The following CC2D2B variants were observed in gnomAD, a reference collection of about 807,000 sequenced individuals.
CC2D2B encodes the protein coiled-coil and C2 domain containing 2B, also known as protein CC2D2B.
A neutral mutation model predicts 161.2 loss-of-function variants in CC2D2B; 128 were observed. The observed-to-expected ratio is 0.79, with a 90% CI of 0.69 to 0.92. The LOEUF (loss-of-function observed/expected upper bound fraction) is 0.92. CC2D2B is among the 40% of genes least tolerant of loss of function. CC2D2B has a pLI of 0.00. For missense variants in CC2D2B, 1,173 were observed against 1,375.1 expected, an observed-to-expected ratio of 0.85 and a Z score of 2.32; for synonymous variants, 391 against 449.8, an observed-to-expected ratio of 0.87 and a Z score of 1.65.
chr10:95,951,984 A>G (rs1044423457), intron 10 of CC2D2B, among the ~76,000 whole-genome samples: 14 of 152,188 alleles, frequency 9.2e-5, no homozygotes, highest in Non-Finnish European at 2.1e-4. Context: ...GGAAGTGTGC[A>G]TAATCTTCTC....
intron 29 of CC2D2B, among the ~76,000 whole-genome samples, chr10:96,014,594 G>A (rs1428295994): frequency 1.3e-5 from 2 of 152,134 alleles, no homozygotes; most frequent in Non-Finnish European, 2.9e-5. Context: ...CAAAATCCTA[G>A]TTCAAAGACT....
chr10:95,934,244 C>T (rs1040445790), intron 6 of CC2D2B, among the ~76,000 whole-genome samples: 78 of 152,234 alleles, frequency 5.1e-4, no homozygotes, highest in Non-Finnish European at 1.1e-3. Context: ...CAAGCTTGAG[C>T]GTCCCAGGTC....
rs2075894649 is a variant in CC2D2B, at chr10:95,938,205, A to G, written c.535+16A>G. ...AGTTCTCCAGGTAACATTCTTTCCC[A>G]GTAAAATATTCAAGTCATTAACGAA... On this transcript the variant is annotated intron_variant, in intron 7 of 34. Transcript: ENST00000646931. The G allele has an allele frequency of 2.7e-6, 4 of 1,504,524 alleles. No individual in the cohort carries two copies. The highest frequency in any genetic ancestry group is 3.6e-6 in the Non-Finnish European group (4 of 1,106,352). 93.2% of individuals were successfully genotyped at this position (1,504,524 alleles called of 1,614,324 possible). A position where few individuals can be genotyped will look rare whatever the true frequency, so the allele number is the denominator to read the frequency against.
chr10:96,003,142 T>C (rs1590837555), intron 24 of CC2D2B, among the ~76,000 whole-genome samples: 1 of 151,904 alleles, frequency 6.6e-6, no homozygotes, highest in Admixed American at 6.6e-5. Flanking sequence ...GTAAGTTATT[T>C]AACTTCTGTG....
intron 33 of CC2D2B, among the ~76,000 whole-genome samples, chr10:96,025,318 C>T (rs1389350580): frequency 2.5e-5 from 3 of 120,680 alleles, no homozygotes; most frequent in Non-Finnish European, 3.2e-5. Context: ...TATGATCACA[C>T]AACACACCAC....
At chr10:95,913,812 T>G (rs1350495738) in intron 2 of CC2D2B, among the ~76,000 whole-genome samples, 1 of 152,150 alleles carries the variant, frequency 6.6e-6, no homozygotes, top group Non-Finnish European at 1.5e-5. Flanking sequence ...TAAATCAGAT[T>G]ATTAGACATT....
At chr10:96,014,069 A>T (rs1051007026) in intron 29 of CC2D2B, among the ~76,000 whole-genome samples, 192 bp downstream of exon 29, 1 of 152,234 alleles carries the variant, frequency 6.6e-6, no homozygotes, top group African/African-American at 2.4e-5. Flanking sequence ...TCTTTTCAAC[A>T]TTCTAAGTGG....
chr10:95,966,638 T>G (rs2076950064), intron 14 of CC2D2B, among the ~76,000 whole-genome samples: 1 of 152,068 alleles, frequency 6.6e-6, no homozygotes, highest in Non-Finnish European at 1.5e-5. Flanking sequence ...GTTTTTTTGT[T>G]TTGTTTTGCT....
intron 11 of CC2D2B, among the ~76,000 whole-genome samples, chr10:95,957,506 A>C (rs2076606401): frequency 6.7e-6 from 1 of 148,644 alleles, no homozygotes. Flanking sequence ...AGAGGACCTT[A>C]TGTTTATACC....
intron 25 of CC2D2B, among the ~76,000 whole-genome samples, chr10:96,004,790 C>T (rs2078674032): frequency 6.6e-6 from 1 of 152,158 alleles, no homozygotes; most frequent in Non-Finnish European, 1.5e-5. Flanking sequence ...TATAAAGATG[C>T]ATACCCATAG....
intron 17 of CC2D2B, among the ~76,000 whole-genome samples, chr10:95,979,211 C>A (rs1278797417): frequency 6.6e-6 from 1 of 151,180 alleles, no homozygotes; most frequent in African/African-American, 2.4e-5. Flanking sequence ...CTGTATCTAC[C>A]CCTCCTTACC....
At chr10:95,910,423 A>T (rs1474682420) in intron 1 of CC2D2B, among the ~76,000 whole-genome samples, 1 of 152,144 alleles carries the variant, frequency 6.6e-6, no homozygotes, top group Non-Finnish European at 1.5e-5. Context: ...AGGGAAGGGG[A>T]GCCAGCATGT....
rs75175873 is a variant in CC2D2B, at chr10:95,965,942, T to A, written c.1297T>A (p.Ser433Thr). The A allele has an allele frequency of 5.9e-4, 714 of 1,219,140 alleles. 6 individuals carry two copies. The African/African-American group carries it at 0.01, about 17-fold the overall frequency. 75.5% of individuals were successfully genotyped at this position (1,219,140 alleles called of 1,614,324 possible). Residue 433 changes from serine to threonine, a missense_variant, in exon 13 of 35, where the codon TCT becomes ACT. Ser to Thr is a moderately conservative substitution (Grantham distance 58, BLOSUM62 1). Transcript: ENST00000646931. ...TGAACAAGAGCAAATCTCAGAAATG[T>A]CTGAAACTGAGAAGAAAAATGAAGG... is the stretch of plus-strand genomic sequence containing the variant. ...CDEQEQISEM[S>T]ETEKKNEGKE...
intron 29 of CC2D2B, among the ~76,000 whole-genome samples, chr10:96,014,843 T>C (rs1277398344): frequency 3.9e-5 from 6 of 152,156 alleles, no homozygotes; most frequent in Non-Finnish European, 5.9e-5. Flanking sequence ...CACTGTTCTT[T>C]CAGAAGGGCC....
intron 1 of CC2D2B, among the ~76,000 whole-genome samples, chr10:95,908,463 G>GA (rs1215544927): frequency 6.6e-6 from 1 of 152,182 alleles, no homozygotes; most frequent in African/African-American, 2.4e-5. Flanking sequence ...GACAGAGTTA[G>GA]AAAAAACTTC....
At chr10:96,019,950 TA>T in intron 32 of CC2D2B, 126 bp downstream of exon 32, 4 of 878,096 alleles carry the variant, frequency 4.6e-6, no homozygotes, top group Non-Finnish European at 6.7e-6. Context: ...AATATTAATT[TA>T]AAAACTAGTT....
At chr10:95,981,814 A>C (rs968179577) in intron 17 of CC2D2B, among the ~76,000 whole-genome samples, 161 bp from the exon 18 acceptor site, 2 of 152,240 alleles carry the variant, frequency 1.3e-5, no homozygotes, top group African/African-American at 4.8e-5. Context: ...GAGAGATGTC[A>C]CATCTCAACT....
At chr10:95,971,510 T>C (rs2077131904) in intron 15 of CC2D2B, among the ~76,000 whole-genome samples, 1 of 152,134 alleles carries the variant, frequency 6.6e-6, no homozygotes, top group Admixed American at 6.6e-5. Flanking sequence ...TGAACCTCTA[T>C]GGGACTGTCT....
At chr10:95,986,452 T>C (rs1371275942) in intron 19 of CC2D2B, among the ~76,000 whole-genome samples, 1 of 150,286 alleles carries the variant, frequency 6.7e-6, no homozygotes. Context: ...GAAATAAAAT[T>C]AGATTCAGAC....
Sources: gnomAD v4.1 joint callset for allele counts (sites outside exome capture counted in the v4.1 genomes callset) on GRCh38, gnomAD v4.1.1 for gene constraint, MANE v1.5 for transcripts, NCBI Gene and HGNC (gene_info 2026-07-23, HGNC 2026-07-21) for gene names.